IL5RA: variants seen among roughly 807,000 people sequenced by gnomAD.
IL5RA encodes interleukin-5 receptor subunit alpha.
IL5RA carries 49 observed loss-of-function variants against 50.0 expected under a neutral mutation model. The ratio of observed to expected loss-of-function variants is 0.98; its 90% CI spans 0.78 to 1.24. The LOEUF (loss-of-function observed/expected upper bound fraction) is 1.24. Ranked by LOEUF, IL5RA falls within the 50% of genes most tolerant of loss-of-function variation. The pLI is 0.00. For synonymous variants in IL5RA, 202 were observed against 174.0 expected (o/e 1.16, Z -1.26); for missense variants, 600 against 500.4 (o/e 1.20, Z -1.90).
rs777248198 is a variant in IL5RA, at chr3:3,074,823, T to C, written c.1135A>G (p.Lys379Glu). Residue 379 changes from lysine (K) to glutamate (E), a missense_variant, in exon 11 of 12, where the codon AAA (lysine) becomes GAA (glutamate). Lys to Glu is a moderately conservative substitution (Grantham distance 56). Transcript: ENST00000446632. ...ACAAAGAGATCTTTGATATTACTTT[T>C]TGGTGCTGGAATTGGTGGAAACAAC... ...IKLFPPIPAP[K>E]SNIKDLFVTT... The C allele has an allele frequency of 6.2e-7, 1 of 1,611,606 alleles. No homozygotes were observed. The highest frequency in any genetic ancestry group is 2.2e-5 in the East Asian group (1 of 44,874).
chr3:3,091,569 TA>T (rs1703103315), intron 9 of IL5RA, among the ~76,000 whole-genome samples: 1 of 152,018 alleles, frequency 6.6e-6, no homozygotes, highest in Non-Finnish European at 1.5e-5. Context: ...CTGTCTCTAC[TA>T]AAAATACAAA....
chr3:3,102,898 T>C, intron 3 of IL5RA, 78 bp from the exon 4 acceptor site: 1 of 1,239,248 alleles, frequency 8.1e-7, no homozygotes, highest in Non-Finnish European at 1.1e-6. Context: ...TTCGAATATT[T>C]ATTGCCCTGC....
chr3:3,090,319 G>A, intron 9 of IL5RA: 2 of 1,192,972 alleles, frequency 1.7e-6, no homozygotes, highest in Non-Finnish European at 2.4e-6. Flanking sequence ...AAGGCTGAAT[G>A]TTAAACCTGG....
At chr3:3,071,551 CAGTGTGTGTGTGTGTGTGTGTGTG>C (rs1702296221) in intron 11 of IL5RA, among the ~76,000 whole-genome samples, 1 of 126,442 alleles carries the variant, frequency 7.9e-6, no homozygotes, top group African/African-American at 3.0e-5. Context: ...TCTTCCTTCA[CAGTGTGTGTGTGTGTGTGTGTGTG>C]TGTGTGTGTG....
At chr3:3,072,570 C>A (rs971635580) in intron 11 of IL5RA, among the ~76,000 whole-genome samples, 1 of 152,128 alleles carries the variant, frequency 6.6e-6, no homozygotes. Context: ...AAATTAGATA[C>A]CAGCATTAAG....
rs761552425 is a variant in IL5RA at position 3,098,043 on chromosome 3, G to T, written c.536C>A (p.Thr179Asn). 9.9e-6 allele frequency: 16 copies of T among 1,614,028 alleles called. No homozygotes were observed. Among genetic ancestry groups the T allele is most frequent in the Non-Finnish European group, 1.4e-5 (16 of 1,180,034 alleles). ...TTTGCTGTATTCTTGGCATTCTTCAGTCCAAGAGCCATACCTAAATTGGAA... is the reference window on the plus strand; with the variant it reads ...TTTGCTGTATTCTTGGCATTCTTCATTCCAAGAGCCATACCTAAATTGGAA... ...YFLYYRYGSW[T>N]EECQEYSKDT... The change falls in exon 7 of 12, where the codon ACT becomes AAT. Residue 179 changes from threonine to asparagine, a missense_variant. Transcript: ENST00000446632.
intron 11 of IL5RA, among the ~76,000 whole-genome samples, chr3:3,073,198 G>T (rs996592676): frequency 2.0e-5 from 3 of 152,194 alleles, no homozygotes; most frequent in Non-Finnish European, 4.4e-5. Flanking sequence ...AAATGCTAAG[G>T]AAAGTTCACC....
intron 5 of IL5RA, 44 bp downstream of exon 5, chr3:3,101,648 A>C: frequency 6.3e-7 from 1 of 1,577,290 alleles, no homozygotes; most frequent in Non-Finnish European, 8.6e-7. Flanking sequence ...CCATATTTGC[A>C]AAGTCCAAAA....
Position 3,092,206 on chromosome 3 carries a change from T to A in IL5RA, c.994+18A>T. 2 of 1,605,936 alleles carry A rather than the reference T, an allele frequency of 1.2e-6. No homozygotes were observed. Among genetic ancestry groups the A allele is most frequent in the Non-Finnish European group, 1.7e-6 (2 of 1,177,410 alleles). On this transcript the variant is annotated intron_variant, in intron 9 of 11. Transcript: ENST00000446632. The surrounding 1 kb of genome is among the most constrained non-coding windows in gnomAD (Gnocchi z 4.2). Reference sequence around the variant, plus strand: ...CACAAGGAAGGCTGCCAATGTAAAATAAACATAAGCTACTTACCCACATAA... The same window carrying A: ...CACAAGGAAGGCTGCCAATGTAAAAAAAACATAAGCTACTTACCCACATAA...
At chr3:3,076,464 A>T in intron 10 of IL5RA, 67 bp downstream of exon 10, 1 of 998,612 alleles carries the variant, frequency 1.0e-6, no homozygotes, top group Non-Finnish European at 1.6e-6. Context: ...TACCGGATGC[A>T]TGGTAAGCCT....
intron 8 of IL5RA, among the ~76,000 whole-genome samples, chr3:3,094,293 G>A (rs998345755): frequency 3.9e-5 from 6 of 151,972 alleles, no homozygotes; most frequent in African/African-American, 1.5e-4. Flanking sequence ...ACCAATTCCT[G>A]GTAACCACCA....
intron 9 of IL5RA, among the ~76,000 whole-genome samples, chr3:3,091,120 C>T (rs1574993348): frequency 6.6e-6 from 1 of 152,160 alleles, no homozygotes; most frequent in African/African-American, 2.4e-5. Flanking sequence ...GATGCATGGA[C>T]CTCTTTATAC....
chr3:3,088,467 A>G (rs556490898), intron 9 of IL5RA, among the ~76,000 whole-genome samples: 226 of 152,338 alleles, frequency 1.5e-3, no homozygotes, highest in Non-Finnish European at 2.0e-3. Context: ...AGAATCCTCA[A>G]TGCTGCACTC....
At chr3:3,109,278 T>C (rs998161950) in intron 1 of IL5RA, among the ~76,000 whole-genome samples, 2 of 152,108 alleles carry the variant, frequency 1.3e-5, no homozygotes, top group Non-Finnish European at 2.9e-5. Flanking sequence ...TTATATACAA[T>C]GAAACAATCT....
At chr3:3,103,723 G>T (rs1485175129) in intron 3 of IL5RA, among the ~76,000 whole-genome samples, 1 of 152,114 alleles carries the variant, frequency 6.6e-6, no homozygotes, top group East Asian at 1.9e-4. Context: ...TAAGCAGAAA[G>T]AAGAAAATAA....
At chr3:3,085,847 A>G (rs1026341589) in intron 9 of IL5RA, among the ~76,000 whole-genome samples, 5 of 152,174 alleles carry the variant, frequency 3.3e-5, no homozygotes. Flanking sequence ...ACAGGAAAGC[A>G]AAGGCCAAGA....
rs1702183959 is a variant in IL5RA, at chr3:3,068,239, C to T, written c.*1986G>A. The stretch of plus-strand genomic sequence containing the variant: ...ACTCCTCTGTGTCTTAAGGAGCCCT[C>T]CAGGCGCCTCTGATTCTGACCTAAG... On this transcript the variant is annotated 3_prime_UTR_variant, in exon 12 of 12. Transcript: ENST00000446632. 1 of 152,106 alleles carries T rather than the reference C, an allele frequency of 6.6e-6. No homozygotes were observed. The highest frequency in any genetic ancestry group is 2.4e-5 in the African/African-American group (1 of 41,396). The allele number at this position is 152,106 out of a possible 1,614,324, so 9.4% of individuals were successfully genotyped here.
At chr3:3,073,810 AT>A (rs1455460146) in intron 11 of IL5RA, 3 of 451,408 alleles carry the variant, frequency 6.6e-6, no homozygotes, top group Non-Finnish European at 1.3e-5. Flanking sequence ...TAAGATGTAT[AT>A]GAAAATGCAG....
chr3:3,100,040 TG>T (rs1457378497), intron 5 of IL5RA, among the ~76,000 whole-genome samples: 1 of 152,188 alleles, frequency 6.6e-6, no homozygotes, highest in African/African-American at 2.4e-5. Flanking sequence ...TAGAAAGGCT[TG>T]TTTTCATTTC....
Sources: gnomAD v4.1 joint callset for allele counts (sites outside exome capture counted in the v4.1 genomes callset) on GRCh38, gnomAD v4.1.1 for gene constraint, Gnocchi (gnomAD v3.1) non-coding constraint, MANE v1.5 for transcripts, NCBI Gene and HGNC (gene_info 2026-07-23, HGNC 2026-07-21) for gene names.